ZNF362: variants seen among roughly 807,000 people sequenced by gnomAD.
ZNF362 encodes the protein zinc finger protein 362, also known as rotund homolog.
A neutral mutation model predicts 42.9 loss-of-function variants in ZNF362; 11 were observed. That is an observed-to-expected ratio of 0.26 (90% CI 0.16 to 0.42). The LOEUF is 0.42. ZNF362 is among the 20% of genes least tolerant of loss of function. ZNF362 has a pLI of 1.00. For synonymous variants in ZNF362, 255 were observed against 257.3 expected, an observed-to-expected ratio of 0.99 and a Z score of 0.09; for missense variants, 362 against 576.2, an observed-to-expected ratio of 0.63 and a Z score of 3.81.
the ZNF362 span, among the ~76,000 whole-genome samples, chr1:33,238,771 G>A: frequency 1.9e-4 from 29 of 152,110 alleles, no homozygotes; most frequent in South Asian, 6.0e-3. Flanking sequence ...AGAGGAGGAA[G>A]AGACACCCCC....
chr1:33,292,140 T>A (rs1570409684), intron 6 of ZNF362, among the ~76,000 whole-genome samples: 1 of 152,344 alleles, frequency 6.6e-6, no homozygotes, highest in Middle Eastern at 3.4e-3. Flanking sequence ...ATCCCTGTCT[T>A]GTGCCAGTTT....
chr1:33,275,520 T>C (rs2148093445), intron 2 of ZNF362, among the ~76,000 whole-genome samples: 1 of 152,310 alleles, frequency 6.6e-6, no homozygotes, highest in Non-Finnish European at 1.5e-5. Context: ...AAGTACAATT[T>C]CTTGAGTCAA....
chr1:33,271,084 C>T (rs1645899884), intron 2 of ZNF362, among the ~76,000 whole-genome samples: 1 of 152,196 alleles, frequency 6.6e-6, no homozygotes, highest in African/African-American at 2.4e-5. Flanking sequence ...CCTGTCCTTT[C>T]TAGTCCCCTC....
At chr1:33,277,021 G>A (rs529207684) in intron 4 of ZNF362, among the ~76,000 whole-genome samples, 8 of 152,250 alleles carry the variant, frequency 5.3e-5, no homozygotes, top group East Asian at 3.8e-4. Flanking sequence ...AGAGGGAACC[G>A]CACAGGCGGA....
At chr1:33,222,332 C>T in the ZNF362 span, among the ~76,000 whole-genome samples, 2 of 152,158 alleles carry the variant, frequency 1.3e-5, no homozygotes, top group Non-Finnish European at 2.9e-5. Context: ...GTACATCCTA[C>T]CTCCAAAATA....
At chr1:33,212,641 G>A in the ZNF362 span, among the ~76,000 whole-genome samples, 2 of 152,136 alleles carry the variant, frequency 1.3e-5, no homozygotes, top group Non-Finnish European at 2.9e-5. Flanking sequence ...GCAAGAGCAG[G>A]AGTAAGACAG....
chr1:33,189,655 A>ATATATATACG, the ZNF362 span, among the ~76,000 whole-genome samples: 4 of 23,336 alleles, frequency 1.7e-4, no homozygotes, highest in Non-Finnish European at 4.4e-4. Flanking sequence ...ATATATATAT[A>ATATATATACG]TATATATATA....
chr1:33,286,340 T>G (rs116743646), intron 6 of ZNF362, among the ~76,000 whole-genome samples: 1,596 of 152,078 alleles, frequency 0.01, 22 homozygotes, highest in Non-Finnish European at 0.014. Flanking sequence ...TTCTGTTTTT[T>G]TTTTCCAAGA....
At chr1:33,177,051 GCACA>G in the ZNF362 span, among the ~76,000 whole-genome samples, 3 of 12,856 alleles carry the variant, frequency 2.3e-4, no homozygotes, top group Admixed American at 5.1e-4. The surrounding 1 kb of genome is among the most constrained non-coding windows in gnomAD (Gnocchi z 4.1). Flanking sequence ...ACACACACAC[GCACA>G]CACACACACA....
chr1:33,141,224 C>T, the ZNF362 span, among the ~76,000 whole-genome samples: 2 of 151,870 alleles, frequency 1.3e-5, no homozygotes, highest in Non-Finnish European at 2.9e-5. Flanking sequence ...CTCTTGTACC[C>T]CCGCAGACCT....
chr1:33,183,996 G>T, the ZNF362 span, among the ~76,000 whole-genome samples: 1 of 151,230 alleles, frequency 6.6e-6, no homozygotes, highest in East Asian at 1.9e-4. Context: ...GGTGGGGAAA[G>T]TGAACAGGGC....
chr1:33,267,712 T>A (rs1049450407), intron 1 of ZNF362, among the ~76,000 whole-genome samples: 1 of 152,220 alleles, frequency 6.6e-6, no homozygotes, highest in African/African-American at 2.4e-5. Flanking sequence ...TTAGCTGTTA[T>A]TAACGACCAT....
At chr1:33,183,414 C>G in the ZNF362 span, among the ~76,000 whole-genome samples, 1 of 152,210 alleles carries the variant, frequency 6.6e-6, no homozygotes, top group African/African-American at 2.4e-5. Context: ...TAGTTGGTTG[C>G]TCATGCAACA....
In ZNF362 at chr1:33,294,762, G is replaced by A. The variant is rs1442680983; in HGVS notation, c.909-175G>A. Among the ~76,000 whole-genome samples, 1 of 152,156 alleles carries A rather than the reference G, an allele frequency of 6.6e-6. No homozygotes were observed. The highest frequency in any genetic ancestry group is 2.4e-5 in the African/African-American group (1 of 41,430). On this transcript the variant is annotated intron_variant, in intron 6 of 8. Transcript: ENST00000539719. The surrounding 1 kb of genome is among the most constrained non-coding windows in gnomAD (Gnocchi z 4.2). ...CTGGCAGTGGAGGCCAGAGAAGGAA[G>A]GAAGAGCCATGGCCGTTGAAGTCCC...
the ZNF362 span, among the ~76,000 whole-genome samples, chr1:33,133,797 C>A: frequency 6.6e-6 from 1 of 152,344 alleles, no homozygotes; most frequent in African/African-American, 2.4e-5. Flanking sequence ...AGAGAAAAAG[C>A]AGGCTGAGAG....
chr1:33,250,145 C>T, the ZNF362 span, among the ~76,000 whole-genome samples: 1 of 152,170 alleles, frequency 6.6e-6, no homozygotes, highest in Non-Finnish European at 1.5e-5. Context: ...AAAAGAAACT[C>T]TGAACCAGGA....
At chr1:33,225,985 C>T in the ZNF362 span, among the ~76,000 whole-genome samples, 3 of 152,270 alleles carry the variant, frequency 2.0e-5, no homozygotes, top group African/African-American at 4.8e-5. Context: ...CATTCCAAAA[C>T]CATAAATAGG....
chr1:33,228,503 C>T, the ZNF362 span, among the ~76,000 whole-genome samples: 1 of 152,168 alleles, frequency 6.6e-6, no homozygotes, highest in Non-Finnish European at 1.5e-5. Context: ...TCTGGTTTGC[C>T]TTCCACAAAT....
the ZNF362 span, among the ~76,000 whole-genome samples, chr1:33,133,322 T>C: frequency 1.3e-5 from 2 of 152,376 alleles, no homozygotes; most frequent in East Asian, 3.8e-4. Context: ...AGTTTCTCTT[T>C]TTAATGTCAC....
Sources: gnomAD v4.1 joint callset for allele counts (sites outside exome capture counted in the v4.1 genomes callset) on GRCh38, gnomAD v4.1.1 for gene constraint, Gnocchi (gnomAD v3.1) non-coding constraint, MANE v1.5 for transcripts, NCBI Gene and HGNC (gene_info 2026-07-23, HGNC 2026-07-21) for gene names.